The following KLRD1 variants were observed in gnomAD, a reference collection of about 807,000 sequenced individuals.
The protein encoded by KLRD1 is killer cell lectin like receptor D1.
A neutral mutation model predicts 22.6 loss-of-function variants in KLRD1; 21 were observed. That is an observed-to-expected ratio of 0.93 (90% confidence interval 0.66 to 1.34). The LOEUF is 1.34. Ranked by LOEUF, KLRD1 falls within the 40% of genes most tolerant of loss-of-function variation. The probability of loss-of-function intolerance (pLI) is 0.00; values close to 1 mark genes in which losing one functional copy is unlikely to be tolerated. For synonymous variants in KLRD1, 59 were observed against 71.1 expected (o/e 0.83, Z 0.85); for missense variants, 183 against 208.6 (o/e 0.88, Z 0.76).
intron 1 of KLRD1, among the ~76,000 whole-genome samples, chr12:10,244,487 G>A (rs1949272356): frequency 6.6e-6 from 1 of 152,116 alleles, no homozygotes; most frequent in East Asian, 1.9e-4. Flanking sequence ...CTCAGTTATT[G>A]TTAAAACTTC....
intron 1 of KLRD1, among the ~76,000 whole-genome samples, chr12:10,283,721 GA>G (rs1306885778): frequency 2.0e-5 from 3 of 152,034 alleles, no homozygotes; most frequent in Non-Finnish European, 4.4e-5. Flanking sequence ...TGGAGGTGGT[GA>G]AACATGTGTT....
intron 1 of KLRD1, among the ~76,000 whole-genome samples, chr12:10,257,538 A>G (rs552541310): frequency 9.1e-6 from 1 of 109,722 alleles, no homozygotes; most frequent in South Asian, 2.5e-4. Flanking sequence ...CTGTTATTTA[A>G]TTTTTCGTCT....
At chr12:10,244,237 G>T (rs1338260734) in intron 1 of KLRD1, among the ~76,000 whole-genome samples, 2 of 149,302 alleles carry the variant, frequency 1.3e-5, no homozygotes, top group South Asian at 2.1e-4. Context: ...GAACATAAAA[G>T]AAAAGAGAGA....
rs1317137952 is a variant in KLRD1, at chr12:10,325,691, G to A, written c.*10898G>A. On this transcript the variant is annotated 3_prime_UTR_variant, in exon 6 of 6. Transcript: ENST00000336164. ...TTCATCCACATTGTTACATATTGCA[G>A]GATTTCATTTTTAAGGCTGGATAAT... 2 of 152,138 alleles carry A rather than the reference G, an allele frequency of 1.3e-5. No homozygotes were observed. The highest frequency in any genetic ancestry group is 2.9e-5 in the Non-Finnish European group (2 of 68,024). 9.4% of individuals were successfully genotyped at this position (152,138 alleles called of 1,614,324 possible).
upstream of KLRD1, among the ~76,000 whole-genome samples, chr12:10,305,818 G>A (rs574379215): frequency 6.6e-6 from 1 of 152,256 alleles, no homozygotes; most frequent in South Asian, 2.1e-4. Context: ...AGATGAGTGG[G>A]AGAGATACAG....
upstream of KLRD1, among the ~76,000 whole-genome samples, chr12:10,299,588 C>T (rs1949850405): frequency 6.6e-6 from 1 of 152,196 alleles, no homozygotes; most frequent in South Asian, 2.1e-4. Flanking sequence ...TGCTATTGAT[C>T]ATCTAAGCTT....
At position 10,328,537 on chromosome 12, in the gene KLRD1, T is replaced by A. The variant is rs143548572; in HGVS notation, c.*13744T>A. ...GATTTCATTTATTTAAGGCCTCTCT[T>A]CTTTTTCTTAGTCTAGCTAAAGGTT... On this transcript the variant is annotated 3_prime_UTR_variant, in exon 6 of 6. Coordinates refer to ENST00000336164, the MANE Select transcript of KLRD1 (RefSeq NM_002262.5). 1 of 152,308 alleles carries A rather than the reference T, an allele frequency of 6.6e-6. No individual in the cohort carries two copies. Among genetic ancestry groups the A allele is most frequent in the African/African-American group, 2.4e-5 (1 of 41,584 alleles). 9.4% of individuals were successfully genotyped at this position (152,308 alleles called of 1,614,324 possible). A position where few individuals can be genotyped will look rare whatever the true frequency, so the allele number is the denominator to read the frequency against.
upstream of KLRD1, among the ~76,000 whole-genome samples, chr12:10,305,696 T>C (rs1166917352): frequency 1.3e-5 from 2 of 152,120 alleles, no homozygotes; most frequent in South Asian, 2.1e-4. Flanking sequence ...TCAGCAGTTA[T>C]TGGAGAAAAA....
intron 1 of KLRD1, among the ~76,000 whole-genome samples, chr12:10,250,408 A>G (rs1949335571): frequency 6.6e-6 from 1 of 152,058 alleles, no homozygotes; most frequent in African/African-American, 2.4e-5. Context: ...GACAAAGAGA[A>G]GGTTAAGAAC....
intron 1 of KLRD1, among the ~76,000 whole-genome samples, chr12:10,253,267 A>G (rs1298031898): frequency 6.6e-6 from 1 of 152,162 alleles, no homozygotes; most frequent in African/African-American, 2.4e-5. Flanking sequence ...GACTGCTTTT[A>G]GGCGTACGTT....
At chr12:10,301,793 C>G (rs916282720), upstream of KLRD1, among the ~76,000 whole-genome samples, 4 of 152,168 alleles carry the variant, frequency 2.6e-5, no homozygotes, top group African/African-American at 9.7e-5. Context: ...AGCCTCATCT[C>G]AGTTTTGGAC....
upstream of KLRD1, among the ~76,000 whole-genome samples, chr12:10,306,454 T>C: frequency 6.6e-6 from 1 of 152,126 alleles, no homozygotes; most frequent in Admixed American, 6.5e-5. Context: ...CAAATAAAGG[T>C]GGTTGTGTTA....
At chr12:10,312,530 A>C (rs1397330034) in intron 4 of KLRD1, among the ~76,000 whole-genome samples, 18 of 150,902 alleles carry the variant, frequency 1.2e-4, no homozygotes, top group South Asian at 2.1e-4. Context: ...AGGCGCCCAC[A>C]ACCACGCCCA....
intron 1 of KLRD1, among the ~76,000 whole-genome samples, chr12:10,254,978 C>T (rs937970310): frequency 6.7e-6 from 1 of 149,106 alleles, no homozygotes; most frequent in South Asian, 2.1e-4. Context: ...TTGTGGCCTA[C>T]AAGCACATGA....
At chr12:10,297,496 TA>T (rs1311132061) in intron 1 of KLRD1, among the ~76,000 whole-genome samples, 2 of 152,158 alleles carry the variant, frequency 1.3e-5, no homozygotes, top group African/African-American at 4.8e-5. Context: ...CTAAGAATAT[TA>T]AAAACTCAAT....
intron 1 of KLRD1, among the ~76,000 whole-genome samples, chr12:10,287,485 A>C (rs1286103400): frequency 6.6e-6 from 1 of 152,188 alleles, no homozygotes; most frequent in Non-Finnish European, 1.5e-5. Context: ...AATCCAAATA[A>C]ATTCTAAGTT....
chr12:10,261,108 C>T (rs1029858106), intron 1 of KLRD1, among the ~76,000 whole-genome samples: 2 of 152,088 alleles, frequency 1.3e-5, no homozygotes, highest in Non-Finnish European at 2.9e-5. Flanking sequence ...TTTGAAGCAC[C>T]GTATGTAGAT....
chr12:10,292,178 C>T (rs188449588), intron 1 of KLRD1, among the ~76,000 whole-genome samples: 2 of 152,226 alleles, frequency 1.3e-5, no homozygotes, highest in African/African-American at 2.4e-5. Context: ...ACTGAAGTCT[C>T]GAACACCTCA....
chr12:10,303,203 G>A (rs1949881992), upstream of KLRD1, among the ~76,000 whole-genome samples: 1 of 152,160 alleles, frequency 6.6e-6, no homozygotes, highest in Non-Finnish European at 1.5e-5. Flanking sequence ...CTGCTTCTCT[G>A]ACCTCTTTTA....
Sources: allele counts gnomAD v4.1 joint callset (sites outside exome capture counted in the v4.1 genomes callset), GRCh38; gene constraint gnomAD v4.1.1; transcripts MANE v1.5; gene names NCBI Gene and HGNC (gene_info 2026-07-23, HGNC 2026-07-21).